PDSS1: variants seen among roughly 807,000 people sequenced by gnomAD.
PDSS1 encodes the protein all trans-polyprenyl-diphosphate synthase PDSS1.
PDSS1 carries 43 observed loss-of-function variants against 57.5 expected under a neutral mutation model. That is an observed-to-expected ratio of 0.75 (90% CI 0.59 to 0.96). The LOEUF (loss-of-function observed/expected upper bound fraction) is 0.96. PDSS1 is among the 50% of genes least tolerant of loss of function. PDSS1 has a pLI of 0.00. For missense variants in PDSS1, 438 were observed against 527.8 expected (o/e 0.83, Z 1.67); for synonymous variants, 175 against 191.3 (o/e 0.91, Z 0.70).
chr10:26,726,605 TG>T (rs892143674), intron 8 of PDSS1, among the ~76,000 whole-genome samples: 3 of 152,156 alleles, frequency 2.0e-5, no homozygotes, highest in South Asian at 2.1e-4. Context: ...GAAGAACTAA[TG>T]GGATTGCAAA....
intron 6 of PDSS1, 47 bp from the exon 7 acceptor site, chr10:26,723,759 C>T: frequency 7.7e-7 from 1 of 1,306,066 alleles, no homozygotes; most frequent in African/African-American, 1.4e-5. Flanking sequence ...CTCTACTGCT[C>T]TGATGGATTT....
chr10:26,706,808 CCAG>C (rs1835236932), intron 4 of PDSS1, among the ~76,000 whole-genome samples: 1 of 152,148 alleles, frequency 6.6e-6, no homozygotes, highest in South Asian at 2.1e-4. Context: ...GGATGTGTTA[CCAG>C]CAGCAAATTT....
intron 5 of PDSS1, among the ~76,000 whole-genome samples, chr10:26,719,538 C>T (rs1299124839): frequency 3.9e-5 from 6 of 152,204 alleles, no homozygotes; most frequent in Non-Finnish European, 8.8e-5. Flanking sequence ...GAGGCCAAGG[C>T]AGGCGGATCA....
intron 5 of PDSS1, among the ~76,000 whole-genome samples, chr10:26,718,375 G>C (rs1835669630): frequency 6.6e-6 from 1 of 151,930 alleles, no homozygotes; most frequent in South Asian, 2.1e-4. Context: ...ATGCTAATTT[G>C]TCCCTACCCT....
Position 26,746,320 on chromosome 10 carries a change from C to G in PDSS1, c.1108-13C>G. ...TGACAGGCATCTGTTCTGTTTTGTT[C>G]TGTATCTTATAGAGTGATGGTGTGC... On this transcript the variant is annotated splice_polypyrimidine_tract_variant and intron_variant, in intron 11 of 11. Coordinates refer to ENST00000376215, the MANE Select transcript of PDSS1 (RefSeq NM_014317.5). 1 of 1,613,800 alleles carries G rather than the reference C, an allele frequency of 6.2e-7. No individual in the cohort carries two copies. The highest frequency in any genetic ancestry group is 1.7e-5 in the Admixed American group (1 of 60,016).
chr10:26,699,043 C>G (rs145989301), intron 1 of PDSS1, among the ~76,000 whole-genome samples: 292 of 152,238 alleles, frequency 1.9e-3, no homozygotes, highest in African/African-American at 6.5e-3. Flanking sequence ...GAGGATTGTT[C>G]GATCCCAGGA....
At chr10:26,738,299 G>T (rs1422864864) in intron 10 of PDSS1, among the ~76,000 whole-genome samples, 4 of 152,186 alleles carry the variant, frequency 2.6e-5, no homozygotes, top group African/African-American at 9.7e-5. Context: ...ATATTATGGT[G>T]TTTATTCTGC....
In PDSS1 at chr10:26,723,930, T is replaced by C; in HGVS notation, c.721+13T>C. On this transcript the variant is annotated intron_variant, in intron 7 of 11. Transcript: ENST00000376215. ...GATTTGGTGCGTGGTACGTTGATTC[T>C]GATTTTTCTTCTTTGTTATTCAACC... The C allele has an allele frequency of 6.3e-7, 1 of 1,595,612 alleles. No individual in the cohort carries two copies. Among genetic ancestry groups the C allele is most frequent in the Non-Finnish European group, 8.6e-7 (1 of 1,163,134 alleles).
At chr10:26,714,979 A>T (rs766610217) in intron 5 of PDSS1, 1 of 152,254 alleles carries the variant, frequency 6.6e-6, no homozygotes, top group Non-Finnish European at 1.5e-5. Flanking sequence ...CAAAACAGCC[A>T]TTTAGCACTG....
chr10:26,709,878 C>A, intron 5 of PDSS1, 110 bp downstream of exon 5: 1 of 1,139,682 alleles, frequency 8.8e-7, no homozygotes, highest in Non-Finnish European at 1.3e-6. Flanking sequence ...ACCGGCTGGG[C>A]ATGGTGGCTC....
At chr10:26,712,745 G>A (rs1835437685) in intron 5 of PDSS1, among the ~76,000 whole-genome samples, 2 of 98,398 alleles carry the variant, frequency 2.0e-5, no homozygotes, top group Non-Finnish European at 4.7e-5. Context: ...TAGGACAGTA[G>A]GGGGAAATGG....
At position 26,746,580 on chromosome 10, in the gene PDSS1, A is replaced by G. The variant is rs2132340009; in HGVS notation, c.*107A>G. The G allele has an allele frequency of 8.1e-7, 1 of 1,234,194 alleles. No individual in the cohort carries two copies. The highest frequency in any genetic ancestry group is 1.2e-5 in the South Asian group (1 of 80,484). The allele number at this position is 1,234,194 out of a possible 1,614,324, so 76.5% of individuals were successfully genotyped here. On this transcript the variant is annotated 3_prime_UTR_variant, in exon 12 of 12. Coordinates refer to ENST00000376215, the MANE Select transcript of PDSS1 (RefSeq NM_014317.5). Reference sequence around the variant, plus strand: ...GTGCAGATAACCAAAAATCATTTTAAAAGATATCAAACTTATTGATGGGCA... The same window carrying G: ...GTGCAGATAACCAAAAATCATTTTAGAAGATATCAAACTTATTGATGGGCA...
intron 1 of PDSS1, 137 bp downstream of exon 1, chr10:26,697,977 G>A: frequency 2.5e-6 from 2 of 803,390 alleles, no homozygotes; most frequent in Non-Finnish European, 3.3e-6. Flanking sequence ...GTAGCTCCGG[G>A]GTGGGACTCC....
chr10:26,733,491 A>G (rs548132999), intron 8 of PDSS1, among the ~76,000 whole-genome samples: 1 of 152,240 alleles, frequency 6.6e-6, no homozygotes, highest in South Asian at 2.1e-4. Flanking sequence ...CTGACCCTTT[A>G]TGGTGCATGC....
intron 2 of PDSS1, 99 bp downstream of exon 2, chr10:26,702,293 T>G (rs1201563322): frequency 5.3e-6 from 2 of 376,444 alleles, no homozygotes; most frequent in African/African-American, 4.3e-5. Flanking sequence ...AATGAGGATA[T>G]GAGATTTGGG....
At chr10:26,708,680 C>T (rs1481769950) in intron 4 of PDSS1, among the ~76,000 whole-genome samples, 2 of 152,058 alleles carry the variant, frequency 1.3e-5, no homozygotes, top group Non-Finnish European at 2.9e-5. Flanking sequence ...ATGGACTGAG[C>T]CCTGTTTCTT....
intron 8 of PDSS1, 78 bp downstream of exon 8, chr10:26,724,201 G>A (rs772901151): frequency 7.8e-6 from 8 of 1,021,162 alleles, no homozygotes; most frequent in Non-Finnish European, 1.2e-5. Context: ...AAAATATTTC[G>A]GTGAAGAATC....
intron 10 of PDSS1, chr10:26,740,605 C>A (rs754344162): frequency 1.3e-5 from 6 of 456,636 alleles, no homozygotes; most frequent in South Asian, 6.2e-5. Flanking sequence ...ATTACTAATA[C>A]CATGGTCATG....
At chr10:26,736,705 G>A (rs1035933614) in intron 10 of PDSS1, among the ~76,000 whole-genome samples, 1 of 152,156 alleles carries the variant, frequency 6.6e-6, no homozygotes, top group African/African-American at 2.4e-5. Context: ...GAATGGAGAT[G>A]TTGGGGTACT....
Sources: gnomAD v4.1 joint callset for allele counts (sites outside exome capture counted in the v4.1 genomes callset) on GRCh38, gnomAD v4.1.1 for gene constraint, MANE v1.5 for transcripts, NCBI Gene and HGNC (gene_info 2026-07-23, HGNC 2026-07-21) for gene names.